The following OPHN1 variants were observed in gnomAD, a reference collection of about 807,000 sequenced individuals.
OPHN1 encodes oligophrenin-1.
A neutral mutation model predicts 60.7 loss-of-function variants in OPHN1; 11 were observed. That is an observed-to-expected ratio of 0.18 (90% confidence interval 0.11 to 0.30). The LOEUF (loss-of-function observed/expected upper bound fraction) is 0.30, where lower values mean the gene tolerates loss of function less well. Ranked by LOEUF, OPHN1 falls within the 10% of genes least tolerant of loss-of-function variation. The pLI is 1.00. For missense variants in OPHN1, 449 were observed against 611.0 expected, an observed-to-expected ratio of 0.73 and a Z score of 2.80; for synonymous variants, 226 against 222.6, an observed-to-expected ratio of 1.02 and a Z score of -0.14.
At chrX:68,205,786 T>C (rs2077555703) in intron 10 of OPHN1, among the ~76,000 whole-genome samples, 1 of 112,032 alleles carries the variant, frequency 8.9e-6, no homozygotes, top group African/African-American at 3.2e-5. Context: ...CAAATAACCC[T>C]TGAAGCACTT....
chrX:68,162,533 G>T (rs1236243099), intron 15 of OPHN1, among the ~76,000 whole-genome samples: 1 of 110,697 alleles, frequency 9.0e-6, no homozygotes, highest in Non-Finnish European at 1.9e-5. Flanking sequence ...TGCAGGAACA[G>T]AAGAAAGAAG....
At chrX:68,281,180 T>C (rs113701618) in intron 4 of OPHN1, among the ~76,000 whole-genome samples, 1,437 of 111,944 alleles carry the variant, frequency 0.013, 20 homozygotes, top group African/African-American at 0.044. Context: ...ATTACTACCA[T>C]GCTAAAGTAA....
rs188538963 is a variant in OPHN1, at chrX:68,408,824, G to A, written c.154+24043C>T. ...AAAAATACAAAAATTGGCCAGGCGTGGTGGTGTGTGCCTGTAATCCTAGCT... is the reference window on the plus strand; with the variant it reads ...AAAAATACAAAAATTGGCCAGGCGTAGTGGTGTGTGCCTGTAATCCTAGCT... On this transcript the variant is annotated intron_variant, in intron 2 of 24. Coordinates refer to ENST00000355520, the MANE Select transcript of OPHN1 (RefSeq NM_002547.3). Among the ~76,000 whole-genome samples, 253 of 112,375 alleles carry A rather than the reference G, an allele frequency of 2.3e-3. 2 individuals carry two copies. Among genetic ancestry groups the A allele is most frequent in the African/African-American group, 7.8e-3 (241 of 30,945 alleles).
chrX:68,070,927 G>A, intron 20 of OPHN1: 6 of 1,135,385 alleles, frequency 5.3e-6, no homozygotes, highest in Non-Finnish European at 7.3e-6. Context: ...AAAGTCAATA[G>A]GCAAGGTAAT....
chrX:68,356,704 C>T (rs994211592), intron 2 of OPHN1, among the ~76,000 whole-genome samples: 1 of 111,348 alleles, frequency 9.0e-6, no homozygotes, highest in African/African-American at 3.3e-5. Flanking sequence ...TGAGCCACTG[C>T]GCCAGGCCCC....
At chrX:68,335,760 C>G (rs1240895894) in intron 2 of OPHN1, among the ~76,000 whole-genome samples, 3 of 110,945 alleles carry the variant, frequency 2.7e-5, no homozygotes, top group Non-Finnish European at 5.7e-5. Flanking sequence ...GAAACCCCAT[C>G]TCTACTAAAA....
chrX:68,238,005 A>G (rs1409243260), intron 5 of OPHN1, among the ~76,000 whole-genome samples: 1 of 111,782 alleles, frequency 8.9e-6, no homozygotes, highest in African/African-American at 3.3e-5. Flanking sequence ...TACAGCTGCC[A>G]TCAATCAGGT....
intron 19 of OPHN1, among the ~76,000 whole-genome samples, chrX:68,077,354 A>T (rs2076957350): frequency 9.0e-6 from 1 of 111,101 alleles, no homozygotes; most frequent in African/African-American, 3.3e-5. Context: ...ATTAAGCAGA[A>T]ATCCTGACAC....
rs192722944 is a variant in OPHN1, at chrX:68,162,890, C to A, written c.1276+30029G>T. The stretch of plus-strand genomic sequence containing the variant: ...GGCATTTAGCTTGAAGAAACAACTT[C>A]TTTTATTATTAAATAATAAAACATA... On this transcript the variant is annotated intron_variant, in intron 15 of 24. Transcript: ENST00000355520. 6.6e-3 allele frequency among the ~76,000 whole-genome samples: 731 copies of A among 110,549 alleles called. 5 individuals are homozygous for A. Among genetic ancestry groups the A allele is most frequent in the African/African-American group, 0.023 (701 of 30,640 alleles).
In OPHN1 at chrX:68,303,580, G is replaced by A. The variant is rs140707626; in HGVS notation, c.155-4484C>T. Among the ~76,000 whole-genome samples the A allele has an allele frequency of 5.5e-3, 597 of 108,848 alleles. 6 individuals are homozygous for A. The highest frequency in any genetic ancestry group is 0.019 in the African/African-American group (569 of 29,837). The allele number at this position is 108,848 out of a possible 115,157, so 94.5% of individuals were successfully genotyped here. A position where few individuals can be genotyped will look rare whatever the true frequency, so the allele number is the denominator to read the frequency against. On this transcript the variant is annotated intron_variant, in intron 2 of 24. Transcript: ENST00000355520. ...GGAGGATCGCTTGAACCCAGGAGGC[G>A]GAGGTTGCAGAGAGCCGAGATCACG...
chrX:68,125,516 C>A (rs766845126), intron 15 of OPHN1, among the ~76,000 whole-genome samples: 1 of 110,782 alleles, frequency 9.0e-6, no homozygotes, highest in East Asian at 2.9e-4. Context: ...ACTGATACTG[C>A]AGAAATTCAA....
chrX:68,056,031 A>T (rs376085078), intron 21 of OPHN1, among the ~76,000 whole-genome samples: 1 of 111,222 alleles, frequency 9.0e-6, no homozygotes, highest in Non-Finnish European at 1.9e-5. Flanking sequence ...GCAGCACACC[A>T]ATATGGCACA....
At chrX:68,087,287 A>G (rs2076999254) in intron 19 of OPHN1, among the ~76,000 whole-genome samples, 1 of 112,206 alleles carries the variant, frequency 8.9e-6, no homozygotes. Context: ...GAGGAATATT[A>G]TTTCATTCTG....
chrX:68,098,188 C>T (rs1372083726), intron 18 of OPHN1, among the ~76,000 whole-genome samples: 1 of 111,267 alleles, frequency 9.0e-6, no homozygotes, highest in South Asian at 3.9e-4. Context: ...GAGACCAGAG[C>T]CCACTGTGCT....
At chrX:68,162,308 C>A (rs1319812309) in intron 15 of OPHN1, among the ~76,000 whole-genome samples, 5 of 109,925 alleles carry the variant, frequency 4.5e-5, no homozygotes, top group Admixed American at 9.7e-5. Context: ...ATGCTGAGTT[C>A]TTATAGACTC....
chrX:68,384,906 G>T (rs1405377064), intron 2 of OPHN1, among the ~76,000 whole-genome samples: 1 of 110,466 alleles, frequency 9.1e-6, no homozygotes, highest in Non-Finnish European at 1.9e-5. Context: ...GGGTCTCCGG[G>T]GGAAGGTTGG....
chrX:68,268,388 T>C lies in OPHN1; in HGVS notation c.384+6350A>G, dbSNP rs904731663. ...CCAGCAGCACATCAAAAAGCTTATCTATCATGATCAAGTGGGCTTCATCCC... is the reference window on the plus strand; with the variant it reads ...CCAGCAGCACATCAAAAAGCTTATCCATCATGATCAAGTGGGCTTCATCCC... On this transcript the variant is annotated intron_variant, in intron 5 of 24. Transcript: ENST00000355520. Among the ~76,000 whole-genome samples, 3 of 111,810 alleles carry C rather than the reference T, an allele frequency of 2.7e-5. No homozygotes were observed. In the South Asian group the frequency reaches 1.1e-3, roughly 42 times the overall value.
chrX:68,071,611 T>C (rs951865163), intron 20 of OPHN1: 3 of 567,527 alleles, frequency 5.3e-6, no homozygotes, highest in Non-Finnish European at 9.7e-6. Flanking sequence ...TTGGCTCCAT[T>C]GTCCAAGCAG....
rs982329199 is a variant in OPHN1, at chrX:68,199,180, G to A, written c.1026-1916C>T. On this transcript the variant is annotated intron_variant, in intron 11 of 24. Coordinates refer to ENST00000355520, the MANE Select transcript of OPHN1 (RefSeq NM_002547.3). ...AACATTTCAAGCTCTGCCTTGCTAT[G>A]AGCCTGTCATTTTAAATACTGCTAA... Among the ~76,000 whole-genome samples, 6 of 111,575 alleles carry A rather than the reference G, an allele frequency of 5.4e-5. No homozygotes were observed. In the East Asian group the frequency reaches 8.4e-4, roughly 16 times the overall value.
Sources: gnomAD v4.1 joint callset for allele counts (sites outside exome capture counted in the v4.1 genomes callset) on GRCh38, gnomAD v4.1.1 for gene constraint, MANE v1.5 for transcripts, NCBI Gene and HGNC (gene_info 2026-07-23, HGNC 2026-07-21) for gene names.